Variants in FILIP1L observed in about 807,000 individuals in gnomAD.
FILIP1L encodes filamin A interacting protein 1 like, also known as filamin A-interacting protein 1-like.
A neutral mutation model predicts 96.6 loss-of-function variants in FILIP1L; 55 were observed. The observed-to-expected ratio is 0.57, with a 90% CI of 0.46 to 0.71. FILIP1L has a LOEUF of 0.71. Among genes scored for constraint, FILIP1L ranks in the 30% least tolerant of loss-of-function variants. FILIP1L has a pLI of 0.00. For missense variants in FILIP1L, 1,304 were observed against 1,321.2 expected, an observed-to-expected ratio of 0.99 and a Z score of 0.20; for synonymous variants, 467 against 473.9, an observed-to-expected ratio of 0.99 and a Z score of 0.19.
intron 1 of FILIP1L, among the ~76,000 whole-genome samples, chr3:100,050,117 G>T (rs2065344976): frequency 1.3e-5 from 2 of 152,132 alleles, no homozygotes; most frequent in Admixed American, 1.3e-4. Context: ...TCTATTAAGG[G>T]CATCATGGGG....
intron 4 of FILIP1L, among the ~76,000 whole-genome samples, chr3:99,880,591 T>C (rs1576543795): frequency 6.6e-6 from 1 of 152,204 alleles, no homozygotes; most frequent in African/African-American, 2.4e-5. Flanking sequence ...CATGTGATGC[T>C]AGGGAATGGG....
intron 4 of FILIP1L, among the ~76,000 whole-genome samples, chr3:99,882,773 C>G (rs538233561): frequency 2.7e-4 from 41 of 152,280 alleles, no homozygotes; most frequent in African/African-American, 9.9e-4. Context: ...AGTAATTTAC[C>G]TAGCTTATAC....
At chr3:99,846,110 C>T (rs1943353461) in intron 5 of FILIP1L, among the ~76,000 whole-genome samples, 2 of 152,172 alleles carry the variant, frequency 1.3e-5, no homozygotes, top group South Asian at 4.1e-4. Context: ...GGCTCCCAAA[C>T]TCTATTAGTT....
At chr3:100,038,908 A>G (rs1241281000) in intron 1 of FILIP1L, among the ~76,000 whole-genome samples, 4 of 152,188 alleles carry the variant, frequency 2.6e-5, no homozygotes, top group Non-Finnish European at 5.9e-5. Context: ...TGCATGTAAT[A>G]AAAAGAAGAA....
At chr3:99,955,424 T>A (rs1038648885) in intron 1 of FILIP1L, among the ~76,000 whole-genome samples, 2 of 152,204 alleles carry the variant, frequency 1.3e-5, no homozygotes, top group African/African-American at 4.8e-5. Flanking sequence ...CGAAGGCATT[T>A]AAGAAAATAT....
chr3:100,065,127 AAT>A (rs1034496669), intron 1 of FILIP1L, among the ~76,000 whole-genome samples: 1 of 152,204 alleles, frequency 6.6e-6, no homozygotes, highest in Admixed American at 6.5e-5. Flanking sequence ...ATATATAATT[AAT>A]ATATACACTG....
intron 4 of FILIP1L, among the ~76,000 whole-genome samples, chr3:99,908,041 T>C (rs1706677972): frequency 6.6e-6 from 1 of 152,238 alleles, no homozygotes; most frequent in Non-Finnish European, 1.5e-5. Flanking sequence ...GGTCATGCAA[T>C]GAGCATGGCC....
At chr3:99,884,481 GA>G (rs1270877021) in intron 4 of FILIP1L, among the ~76,000 whole-genome samples, 1 of 152,178 alleles carries the variant, frequency 6.6e-6, no homozygotes, top group Non-Finnish European at 1.5e-5. Context: ...CCAGGGAGTG[GA>G]AAGGGAAGGG....
chr3:99,988,521 AAAAAAAAAAGAAAGAAAAGG>A (rs1168436432), intron 1 of FILIP1L, among the ~76,000 whole-genome samples: 3 of 140,672 alleles, frequency 2.1e-5, no homozygotes, highest in African/African-American at 7.7e-5. Flanking sequence ...CAAAAAAAAA[AAAAAAAAAAGAAAGAAAAGG>A]AAAAAAAAAG....
chr3:100,075,461 T>A (rs2065835210), intron 1 of FILIP1L: 1 of 152,172 alleles, frequency 6.6e-6, no homozygotes, highest in African/African-American at 2.4e-5. Context: ...TCTTTAAACA[T>A]CTCTTGCATT....
chr3:99,845,490 A>C (rs1260911706), intron 5 of FILIP1L, among the ~76,000 whole-genome samples: 1 of 151,974 alleles, frequency 6.6e-6, no homozygotes, highest in African/African-American at 2.4e-5. Context: ...CTCCACCCCC[A>C]CATATTTCAT....
chr3:99,892,918 G>A (rs1706130856), intron 4 of FILIP1L, among the ~76,000 whole-genome samples: 1 of 152,076 alleles, frequency 6.6e-6, no homozygotes, highest in Admixed American at 6.5e-5. Context: ...CGTACTATTG[G>A]CCTGTATTTT....
chr3:99,830,464 C>T lies in FILIP1L; in HGVS notation c.3523G>A (p.Val1175Met), dbSNP rs180781706. The T allele has an allele frequency of 7.7e-5, 35 of 456,346 alleles. 1 individual carries two copies. The highest frequency in any genetic ancestry group is 4.4e-4 in the African/African-American group (22 of 50,178). The allele number at this position is 456,346 out of a possible 1,614,324, so 28.3% of individuals were successfully genotyped here. ...AAGGTGTTGGAGGTGACAGTTCTCA[C>T]GATGTGTAGCTTCCCACAGCCATTT... is the stretch of plus-strand genomic sequence containing the variant. ...YQNGCGKLHI[V>M]RTVTSNTFLH... Residue 1175 changes from valine (V) to methionine (M), a missense_variant, in exon 6 of 6, where the codon GTG becomes ATG. Coordinates refer to ENST00000477258, the MANE Select transcript of FILIP1L (RefSeq NM_001387850.1).
chr3:99,870,997 C>T (rs2107581221), intron 4 of FILIP1L, among the ~76,000 whole-genome samples: 1 of 152,270 alleles, frequency 6.6e-6, no homozygotes, highest in South Asian at 2.1e-4. Context: ...GATACTCCTT[C>T]ACCAGGTATA....
chr3:100,066,404 G>A (rs2065663719), intron 1 of FILIP1L, among the ~76,000 whole-genome samples: 1 of 150,538 alleles, frequency 6.6e-6, no homozygotes, highest in South Asian at 2.1e-4. Flanking sequence ...TTTTGTTTAT[G>A]TAGGCAGTCA....
At chr3:99,862,161 G>A (rs940209133) in intron 4 of FILIP1L, among the ~76,000 whole-genome samples, 1 of 151,972 alleles carries the variant, frequency 6.6e-6, no homozygotes, top group African/African-American at 2.4e-5. Flanking sequence ...ACAATATCTA[G>A]ATATATAAAA....
intron 4 of FILIP1L, among the ~76,000 whole-genome samples, chr3:99,878,237 T>C (rs1286563714): frequency 6.6e-6 from 1 of 152,208 alleles, no homozygotes; most frequent in East Asian, 1.9e-4. Flanking sequence ...GAACCAATAT[T>C]AATAGCCCTC....
chr3:99,862,007 A>T (rs1944284694), intron 4 of FILIP1L, among the ~76,000 whole-genome samples: 2 of 152,236 alleles, frequency 1.3e-5, no homozygotes, highest in Admixed American at 6.5e-5. Flanking sequence ...AGTCCTTATC[A>T]TAGTGCCTGG....
intron 5 of FILIP1L, among the ~76,000 whole-genome samples, chr3:99,835,880 G>A (rs1270225932): frequency 6.6e-6 from 1 of 152,160 alleles, no homozygotes; most frequent in African/African-American, 2.4e-5. Flanking sequence ...TAGGATTTTA[G>A]TATGAGGAAC....
Sources: gnomAD v4.1 joint callset for allele counts (sites outside exome capture counted in the v4.1 genomes callset) on GRCh38, gnomAD v4.1.1 for gene constraint, MANE v1.5 for transcripts, NCBI Gene and HGNC (gene_info 2026-07-23, HGNC 2026-07-21) for gene names.